Variants in KLK9 observed in about 807,000 individuals in gnomAD.
KLK9 encodes the protein kallikrein related peptidase 9.
In KLK9, 26 loss-of-function variants were observed where a neutral mutation model predicts 23.3. That is an observed-to-expected ratio of 1.12 (90% CI 0.82 to 1.55). The LOEUF is 1.55. KLK9 is among the 40% of genes most tolerant of loss of function. The pLI is 0.00. For missense variants in KLK9, 346 were observed against 333.7 expected (o/e 1.04, Z -0.29); for synonymous variants, 122 against 128.5 (o/e 0.95, Z 0.34).
rs2122371517 is a variant in KLK9 at position 51,009,493 on chromosome 19, T to C, written c.43+12A>G. ...TACAGCCGTGAAGGGGCAGCCAGCCTGGGAGCCTCACCTGCCAGCAGAGAG... is the reference window on the plus strand; with the variant it reads ...TACAGCCGTGAAGGGGCAGCCAGCCCGGGAGCCTCACCTGCCAGCAGAGAG... On this transcript the variant is annotated intron_variant, in intron 1 of 4. Transcript: ENST00000594211. This position sits in a 1 kb window ranked among gnomAD's most constrained non-coding sequence, Gnocchi z 4.8. The C allele has an allele frequency of 6.2e-7, 1 of 1,606,612 alleles. No homozygotes were observed. Among genetic ancestry groups the C allele is most frequent in the Non-Finnish European group, 8.5e-7 (1 of 1,176,580 alleles).
intron 3 of KLK9, among the ~76,000 whole-genome samples, chr19:51,004,307 C>G (rs1279631906): frequency 3.3e-4 from 37 of 113,202 alleles, no homozygotes; most frequent in African/African-American, 1.2e-3. Context: ...TCACTGCACT[C>G]CAGCCTGGGA....
rs758332048 is a variant in KLK9 at position 51,006,455 on chromosome 19, T to C, written c.466+3A>G. 6.2e-7 allele frequency: 1 copy of C among 1,606,938 alleles called. No homozygotes were observed. The highest frequency in any genetic ancestry group is 8.5e-7 in the Non-Finnish European group (1 of 1,176,068). On this transcript the variant is annotated splice_donor_region_variant and intron_variant, in intron 3 of 4. Coordinates refer to ENST00000594211, the MANE Select transcript of KLK9 (RefSeq NM_012315.2). This position sits in a 1 kb window ranked among gnomAD's most constrained non-coding sequence, Gnocchi z 4.1. The stretch of plus-strand genomic sequence containing the variant: ...TCAGAGAGAGTTCTGGGCCAGGTCA[T>C]ACCCTTGGGGCTGGACACGGCCCCC...
At position 51,003,152 on chromosome 19, in the gene KLK9, A is replaced by G. The variant is rs757909854; in HGVS notation, c.712T>C (p.Cys238Arg). 4 of 1,612,600 alleles carry G rather than the reference A, an allele frequency of 2.5e-6. No individual in the cohort carries two copies. Among genetic ancestry groups the G allele is most frequent in the Non-Finnish European group, 3.4e-6 (4 of 1,179,648 alleles). The change falls in exon 5 of 5, where the codon TGC becomes CGC. Residue 238 changes from cysteine (C) to arginine (R), a missense_variant. Coordinates refer to ENST00000594211, the MANE Select transcript of KLK9 (RefSeq NM_012315.2). ...TCTTGGATCCAGTCAAGGTAGTGGC[A>G]TACGCTGGTGTAGACTGCGGGGCGC... Reference protein sequence around the residue: ...PRRPAVYTSVCHYLDWIQEIM... With the variant: ...PRRPAVYTSVRHYLDWIQEIM...
Position 51,006,866 on chromosome 19 carries a change from C to G in KLK9, c.201-143G>C, listed in dbSNP as rs2091257791. On this transcript the variant is annotated intron_variant, in intron 2 of 4. Coordinates refer to ENST00000594211, the MANE Select transcript of KLK9 (RefSeq NM_012315.2). This position sits in a 1 kb window ranked among gnomAD's most constrained non-coding sequence, Gnocchi z 4.1. Reference sequence around the variant, plus strand: ...CTGCACCCTCATCATCTATGTCTGGCCCAGGGTACTGTGATTTTAAGCGAG... The same window carrying G: ...CTGCACCCTCATCATCTATGTCTGGGCCAGGGTACTGTGATTTTAAGCGAG... 2 of 917,902 alleles carry G rather than the reference C, an allele frequency of 2.2e-6. No individual in the cohort carries two copies. The highest frequency in any genetic ancestry group is 5.5e-5 in the East Asian group (2 of 36,188). 56.9% of individuals were successfully genotyped at this position (917,902 alleles called of 1,614,324 possible). A position where few individuals can be genotyped will look rare whatever the true frequency, so the allele number is the denominator to read the frequency against.
In KLK9 at chr19:51,002,836, T is replaced by C. The variant is rs1464543947; in HGVS notation, c.*275A>G. On this transcript the variant is annotated 3_prime_UTR_variant, in exon 5 of 5. Transcript: ENST00000594211. Reference sequence around the variant, plus strand: ...TTCCTTGGGGCGGAGCCACAGGCTGTGCTGTTCCAAGAAGGAGGTGATGGC... The same window carrying C: ...TTCCTTGGGGCGGAGCCACAGGCTGCGCTGTTCCAAGAAGGAGGTGATGGC... 3 of 384,968 alleles carry C rather than the reference T, an allele frequency of 7.8e-6. No homozygotes were observed. Among genetic ancestry groups the C allele is most frequent in the Non-Finnish European group, 1.4e-5 (3 of 215,376 alleles). The allele number at this position is 384,968 out of a possible 1,614,324, so 23.8% of individuals were successfully genotyped here.
intron 2 of KLK9, among the ~76,000 whole-genome samples, chr19:51,007,971 G>A (rs780478180): frequency 5.3e-5 from 8 of 151,998 alleles, no homozygotes; most frequent in Non-Finnish European, 1.0e-4. Flanking sequence ...AAAACTCCAG[G>A]ATTCTAACAT....
rs34275672 is a variant in KLK9, at chr19:51,008,337, C to CAA, written c.200+844_200+845dup. On this transcript the variant is annotated intron_variant, in intron 2 of 4. Coordinates refer to ENST00000594211, the MANE Select transcript of KLK9 (RefSeq NM_012315.2). Reference sequence around the variant, plus strand: ...TGGGAGATAGAGGGAGACTCTGTCTCAAAAAAAAAAAAAAAAAAAAAAAAG... The same window carrying CAA: ...TGGGAGATAGAGGGAGACTCTGTCTCAAAAAAAAAAAAAAAAAAAAAAAAAAG... 1.2e-3 allele frequency among the ~76,000 whole-genome samples: 86 copies of CAA among 71,668 alleles called. 1 individual carries two copies. The highest frequency in any genetic ancestry group is 3.3e-3 in the African/African-American group (60 of 18,384). 47.0% of individuals were successfully genotyped at this position (71,668 alleles called of 152,430 possible).
chr19:51,006,725 T>G lies in KLK9; in HGVS notation c.201-2A>C, dbSNP rs145001307. 15 of 1,572,870 alleles carry G rather than the reference T, an allele frequency of 9.5e-6. 1 individual carries two copies. Among genetic ancestry groups the G allele is most frequent in the Admixed American group, 8.9e-5 (5 of 56,230 alleles). On this transcript the variant is annotated splice_acceptor_variant, in intron 2 of 4. Transcript: ENST00000594211. LOFTEE classifies it high-confidence loss of function. This position sits in a 1 kb window ranked among gnomAD's most constrained non-coding sequence, Gnocchi z 4.1. ...TCTCCAAGGCGGACCCACAGATACC[T>G]GCTGGGACAGGCCTCAGAGGTCAAG... is the stretch of plus-strand genomic sequence containing the variant.
Position 51,009,553 on chromosome 19 carries a change from CT to C in KLK9, c.-7del. 6.2e-7 allele frequency: 1 copy of C among 1,612,490 alleles called. No homozygotes were observed. The highest frequency in any genetic ancestry group is 8.5e-7 in the Non-Finnish European group (1 of 1,179,540). Reference sequence around the variant, plus strand: ...CAGAGGAGTCCCAGCTTCATGACCCCTGGGCACCTGGATCCTGGAACGTGCA... The same window carrying C: ...CAGAGGAGTCCCAGCTTCATGACCCCGGGCACCTGGATCCTGGAACGTGCA... On this transcript the variant is annotated 5_prime_UTR_variant, in exon 1 of 5. Coordinates refer to ENST00000594211, the MANE Select transcript of KLK9 (RefSeq NM_012315.2). The surrounding 1 kb of genome is among the most constrained non-coding windows in gnomAD (Gnocchi z 4.8).
chr19:51,009,586 G>A lies in KLK9; in HGVS notation c.-39C>T, dbSNP rs368005269. 14 of 1,595,646 alleles carry A rather than the reference G, an allele frequency of 8.8e-6. No homozygotes were observed. Among genetic ancestry groups the A allele is most frequent in the Admixed American group, 3.4e-5 (2 of 58,234 alleles). ...CTGGATCCTGGAACGTGCACCCGGC[G>A]TCCAGTGCTTCTTTATGGTAAGCCA... On this transcript the variant is annotated 5_prime_UTR_variant, in exon 1 of 5. In the 5' UTR this introduces an upstream ATG that the reference lacks. Coordinates refer to ENST00000594211, the MANE Select transcript of KLK9 (RefSeq NM_012315.2). The surrounding 1 kb of genome is among the most constrained non-coding windows in gnomAD (Gnocchi z 4.8).
chr19:51,003,949 T>A, intron 3 of KLK9, 109 bp from the exon 4 acceptor site: 2 of 819,866 alleles, frequency 2.4e-6, no homozygotes, highest in South Asian at 3.2e-5. Flanking sequence ...TGGAGCCACA[T>A]TTAGGACTCT....
In KLK9 at chr19:51,009,446, G is replaced by A. The variant is rs75072873; in HGVS notation, c.43+59C>T. ...CAGGAGGCAGAAGCCTGGGATGGGA[G>A]GGAAGAGCAAGGTGACCTTAGTACA... On this transcript the variant is annotated intron_variant, in intron 1 of 4. Coordinates refer to ENST00000594211, the MANE Select transcript of KLK9 (RefSeq NM_012315.2). The surrounding 1 kb of genome is among the most constrained non-coding windows in gnomAD (Gnocchi z 4.8). 7.3e-4 allele frequency: 1,140 copies of A among 1,567,906 alleles called. 8 individuals are homozygous for A. In the African/African-American group the frequency reaches 0.014, roughly 19 times the overall value.
chr19:51,003,959 T>G, intron 3 of KLK9, 119 bp from the exon 4 acceptor site: 2 of 751,164 alleles, frequency 2.7e-6, no homozygotes, highest in Non-Finnish European at 4.5e-6. Flanking sequence ...TTTAGGACTC[T>G]CAAAGATAGA....
intron 3 of KLK9, among the ~76,000 whole-genome samples, chr19:51,004,796 G>A (rs984505038): frequency 5.9e-5 from 9 of 152,028 alleles, no homozygotes; most frequent in Admixed American, 3.3e-4. Flanking sequence ...GCAGGAAGAT[G>A]GTCACTGATG....
In KLK9 at chr19:51,006,862, C is replaced by G. The variant is rs1218286453; in HGVS notation, c.201-139G>C. The G allele has an allele frequency of 2.1e-6, 2 of 949,222 alleles. No homozygotes were observed. The highest frequency in any genetic ancestry group is 3.3e-5 in the African/African-American group (2 of 60,238). The allele number at this position is 949,222 out of a possible 1,614,324, so 58.8% of individuals were successfully genotyped here. ...CTCTCTGCACCCTCATCATCTATGT[C>G]TGGCCCAGGGTACTGTGATTTTAAG... On this transcript the variant is annotated intron_variant, in intron 2 of 4. Coordinates refer to ENST00000594211, the MANE Select transcript of KLK9 (RefSeq NM_012315.2). This position sits in a 1 kb window ranked among gnomAD's most constrained non-coding sequence, Gnocchi z 4.1.
In KLK9 at chr19:51,009,227, G is replaced by T. The variant is rs1394447891; in HGVS notation, c.156C>A (p.Leu52=). 4 of 1,610,398 alleles carry T rather than the reference G, an allele frequency of 2.5e-6. No homozygotes were observed. The East Asian group carries it at 8.9e-5, about 36-fold the overall frequency. The change falls in exon 2 of 5, where the codon CTC becomes CTA. Residue 52 remains leucine (L), a synonymous_variant. Coordinates refer to ENST00000594211, the MANE Select transcript of KLK9 (RefSeq NM_012315.2). The surrounding 1 kb of genome is among the most constrained non-coding windows in gnomAD (Gnocchi z 4.8). ...HLTRLFCGAT[L]ISDRWLLTAA... The stretch of plus-strand genomic sequence containing the variant: ...CTGTGAGCAGCCAGCGGTCACTGAT[G>T]AGGGTCGCCCCACAGAAGAGCCGAG...
intron 4 of KLK9, among the ~76,000 whole-genome samples, 191 bp from the exon 5 acceptor site, chr19:51,003,451 ACCT>A (rs2091243248): frequency 6.6e-6 from 1 of 151,130 alleles, no homozygotes; most frequent in South Asian, 2.1e-4. Context: ...GCAGGACCTA[ACCT>A]CCTCCTCCCC....
chr19:51,003,579 AG>A, intron 4 of KLK9, 124 bp downstream of exon 4: 2 of 866,792 alleles, frequency 2.3e-6, no homozygotes, highest in South Asian at 3.4e-5. Context: ...GTCCTCTCCC[AG>A]GAACCAGGTA....
rs1211316960 is a variant in KLK9, at chr19:51,003,079, G to T, written c.*32C>A. 2 of 1,589,268 alleles carry T rather than the reference G, an allele frequency of 1.3e-6. No homozygotes were observed. Among genetic ancestry groups the T allele is most frequent in the African/African-American group, 2.7e-5 (2 of 74,536 alleles). ...TACCCCGTGCCCTTCGGCCTCTCTT[G>T]GTCTTCCAAGGTGCCCCCGTGGCGC... On this transcript the variant is annotated 3_prime_UTR_variant, in exon 5 of 5. Coordinates refer to ENST00000594211, the MANE Select transcript of KLK9 (RefSeq NM_012315.2).
Sources: gnomAD v4.1 joint callset for allele counts (sites outside exome capture counted in the v4.1 genomes callset) on GRCh38, gnomAD v4.1.1 for gene constraint, Gnocchi (gnomAD v3.1) non-coding constraint, MANE v1.5 for transcripts, NCBI Gene and HGNC (gene_info 2026-07-23, HGNC 2026-07-21) for gene names.